RBM33: variants seen among roughly 807,000 people sequenced by gnomAD.
The protein encoded by RBM33 is RNA binding motif protein 33.
In RBM33, 28 loss-of-function variants were observed where a neutral mutation model predicts 132.6. The observed-to-expected ratio is 0.21, with a 90% CI of 0.16 to 0.29. RBM33 has a LOEUF of 0.29. RBM33 is among the 10% of genes least tolerant of loss of function. RBM33 has a pLI of 1.00. For synonymous variants in RBM33, 634 were observed against 593.0 expected, an observed-to-expected ratio of 1.07 and a Z score of -1.01; for missense variants, 1,291 against 1,518.5, an observed-to-expected ratio of 0.85 and a Z score of 2.49.
intron 8 of RBM33, among the ~76,000 whole-genome samples, chr7:155,714,556 G>A (rs1800403828): frequency 1.3e-5 from 2 of 152,200 alleles, no homozygotes; most frequent in Non-Finnish European, 2.9e-5. Context: ...GGGCATGTCA[G>A]CTGGTGGCAT....
At chr7:155,708,463 G>C (rs1171759468) in intron 7 of RBM33, among the ~76,000 whole-genome samples, 1 of 152,190 alleles carries the variant, frequency 6.6e-6, no homozygotes, top group Non-Finnish European at 1.5e-5. Context: ...ACGTAATTGT[G>C]TCTCTGATCC....
intron 5 of RBM33, among the ~76,000 whole-genome samples, chr7:155,685,921 C>T (rs1799464666): frequency 6.6e-6 from 1 of 152,192 alleles, no homozygotes; most frequent in Admixed American, 6.5e-5. Context: ...AAAACATTTA[C>T]TTTACCCTTT....
intron 9 of RBM33, among the ~76,000 whole-genome samples, chr7:155,733,231 G>A (rs767440071): frequency 6.6e-6 from 1 of 152,094 alleles, no homozygotes; most frequent in Non-Finnish European, 1.5e-5. Context: ...TTCTGACTTG[G>A]GGGTACACTA....
At chr7:155,690,757 G>A (rs1799614399) in intron 5 of RBM33, among the ~76,000 whole-genome samples, 4 of 152,148 alleles carry the variant, frequency 2.6e-5, no homozygotes, top group Admixed American at 2.6e-4. Context: ...GAAATTCTGA[G>A]TTGAAAATTC....
At chr7:155,650,926 G>C (rs1328325919) in intron 1 of RBM33, among the ~76,000 whole-genome samples, 1 of 152,144 alleles carries the variant, frequency 6.6e-6, no homozygotes, top group South Asian at 2.1e-4. Context: ...CCAGGCTGGA[G>C]TGTTGTAGTG....
chr7:155,695,249 A>G (rs1799759426), intron 5 of RBM33, among the ~76,000 whole-genome samples: 1 of 152,170 alleles, frequency 6.6e-6, no homozygotes, highest in African/African-American at 2.4e-5. Context: ...TATATGCTAT[A>G]TATATCCTAT....
intron 5 of RBM33, among the ~76,000 whole-genome samples, chr7:155,682,256 T>G (rs967986644): frequency 3.9e-5 from 6 of 152,160 alleles, no homozygotes; most frequent in Non-Finnish European, 8.8e-5. Context: ...TTTTGGTTAA[T>G]ATTTGCTCTT....
Position 155,779,391 on chromosome 7 carries a change from C to T in RBM33, c.*4350C>T, listed in dbSNP as rs1181781614. On this transcript the variant is annotated 3_prime_UTR_variant, in exon 18 of 18. Coordinates refer to ENST00000401878, the MANE Select transcript of RBM33 (RefSeq NM_053043.3). ...TCGGAAAGCCGCTAGTCCAGATCGA[C>T]TAGGGAGAGGCTTAGATACTTTAGT... The T allele has an allele frequency of 1.3e-5, 2 of 152,140 alleles. No homozygotes were observed. The highest frequency in any genetic ancestry group is 2.9e-5 in the Non-Finnish European group (2 of 68,038). 9.4% of individuals were successfully genotyped at this position (152,140 alleles called of 1,614,324 possible).
At chr7:155,658,938 A>G (rs1798567517) in intron 1 of RBM33, among the ~76,000 whole-genome samples, 1 of 151,908 alleles carries the variant, frequency 6.6e-6, no homozygotes, top group Admixed American at 6.6e-5. Context: ...AGCTTTGTTC[A>G]TTTTTCCTTT....
intron 2 of RBM33, among the ~76,000 whole-genome samples, chr7:155,668,102 C>T (rs1421134923): frequency 1.3e-5 from 2 of 151,956 alleles, no homozygotes; most frequent in Admixed American, 1.3e-4. Flanking sequence ...TTTACATTTC[C>T]GATTGTCTCT....
chr7:155,651,699 C>T (rs1798360530), intron 1 of RBM33, among the ~76,000 whole-genome samples: 1 of 151,758 alleles, frequency 6.6e-6, no homozygotes, highest in Non-Finnish European at 1.5e-5. Flanking sequence ...TCACTTGCCT[C>T]TTCTCGGCTA....
chr7:155,673,408 GTGTGTGTGTGTGTGTGT>G (rs1799003265), intron 3 of RBM33, among the ~76,000 whole-genome samples: 2 of 144,850 alleles, frequency 1.4e-5, no homozygotes, highest in African/African-American at 2.6e-5. Context: ...TATATTGTGT[GTGTGTGTGTGTGTGTGT>G]GTGTGTGTGT....
intron 1 of RBM33, among the ~76,000 whole-genome samples, chr7:155,663,103 G>A (rs915417209): frequency 2.6e-5 from 4 of 152,168 alleles, no homozygotes; most frequent in African/African-American, 4.8e-5. Context: ...CAGGCTCACA[G>A]GGAGAGGACC....
chr7:155,705,738 C>G (rs991468777), intron 6 of RBM33, among the ~76,000 whole-genome samples: 2 of 152,216 alleles, frequency 1.3e-5, no homozygotes, highest in South Asian at 2.1e-4. Flanking sequence ...ATTTTCGTTT[C>G]CCTTTAGGAA....
chr7:155,768,764 G>A (rs988081397), intron 16 of RBM33, among the ~76,000 whole-genome samples: 1 of 152,122 alleles, frequency 6.6e-6, no homozygotes, highest in Non-Finnish European at 1.5e-5. Flanking sequence ...CTACAGACGC[G>A]TGCCACGCCT....
intron 13 of RBM33, among the ~76,000 whole-genome samples, chr7:155,744,235 A>T (rs1189120718): frequency 2.0e-5 from 3 of 152,212 alleles, no homozygotes; most frequent in Non-Finnish European, 4.4e-5. Context: ...AAAGAATATT[A>T]TTACAATTCT....
In RBM33 at chr7:155,745,660, T is replaced by A; in HGVS notation, c.2979+58T>A. On this transcript the variant is annotated intron_variant, in intron 14 of 17. Transcript: ENST00000401878. This position sits in a 1 kb window ranked among gnomAD's most constrained non-coding sequence, Gnocchi z 4.1. ...AGTCTGTGTATCACATAGAATGTCC[T>A]CATTTGCAGAGAATGTTTTTGAAGA... The A allele has an allele frequency of 7.1e-7, 1 of 1,399,562 alleles. No homozygotes were observed. Among genetic ancestry groups the A allele is most frequent in the South Asian group, 1.5e-5 (1 of 68,030 alleles). The allele number at this position is 1,399,562 out of a possible 1,614,324, so 86.7% of individuals were successfully genotyped here.
intron 14 of RBM33, among the ~76,000 whole-genome samples, chr7:155,749,198 G>A (rs1801618183): frequency 1.3e-5 from 2 of 152,120 alleles, no homozygotes; most frequent in Non-Finnish European, 2.9e-5. Flanking sequence ...AAAGCTTCTG[G>A]TACACAGAAG....
chr7:155,684,084 TGA>T (rs1563142799), intron 5 of RBM33, among the ~76,000 whole-genome samples: 2 of 152,214 alleles, frequency 1.3e-5, no homozygotes. Context: ...CAGATTGTCT[TGA>T]GAGAATTGTG....
Sources: allele counts gnomAD v4.1 joint callset (sites outside exome capture counted in the v4.1 genomes callset), GRCh38; gene constraint gnomAD v4.1.1; non-coding constraint Gnocchi (gnomAD v3.1); transcripts MANE v1.5; gene names NCBI Gene and HGNC (gene_info 2026-07-23, HGNC 2026-07-21).